The following UPF1 variants were observed in gnomAD, a reference collection of about 807,000 sequenced individuals.
UPF1 encodes the protein UPF1 RNA helicase and ATPase.
UPF1 carries 9 observed loss-of-function variants against 129.2 expected under a neutral mutation model. That is an observed-to-expected ratio of 0.07 (90% confidence interval 0.04 to 0.12). The LOEUF is 0.12. Ranked by LOEUF, UPF1 falls within the 10% of genes least tolerant of loss-of-function variation. UPF1 has a pLI of 1.00. For synonymous variants in UPF1, 649 were observed against 644.9 expected, an observed-to-expected ratio of 1.01 and a Z score of -0.10; for missense variants, 788 against 1,525.3, an observed-to-expected ratio of 0.52 and a Z score of 8.05.
chr19:18,841,091 TC>T, intron 1 of UPF1, among the ~76,000 whole-genome samples: 1 of 152,376 alleles, frequency 6.6e-6, no homozygotes, highest in Non-Finnish European at 1.5e-5. Flanking sequence ...CACCTCTTTT[TC>T]AGTACGGGGA....
intron 1 of UPF1, among the ~76,000 whole-genome samples, chr19:18,840,622 G>A (rs1175114306): frequency 6.6e-6 from 1 of 152,216 alleles, no homozygotes; most frequent in African/African-American, 2.4e-5. Context: ...AGGGCCGAGG[G>A]GCCTGGCTGG....
At chr19:18,864,733 G>GTT (rs10682791) in intron 20 of UPF1, among the ~76,000 whole-genome samples, 37,647 of 74,096 alleles carry the variant, frequency 0.51, 8,660 homozygotes, top group South Asian at 0.63. Context: ...ATTTGCAGGT[G>GTT]TTTTTTTTTT....
rs778747976 is a variant in UPF1 at position 18,854,924 on chromosome 19, G to A, written c.1311G>A (p.Val437=). 1 of 1,614,260 alleles carries A rather than the reference G, an allele frequency of 6.2e-7. No individual in the cohort carries two copies. The highest frequency in any genetic ancestry group is 8.5e-7 in the Non-Finnish European group (1 of 1,180,060). ...CGTTTGCCGTGGATGAGACCTCGGT[G>A]TCTGGCTACATCTACCACAAGCTGT... ...LKTFAVDETS[V]SGYIYHKLLG... The change falls in exon 10 of 24, where the codon GTG becomes GTA. Residue 437 remains valine (V), a synonymous_variant. Coordinates refer to ENST00000262803, the MANE Select transcript of UPF1 (RefSeq NM_002911.4).
At chr19:18,855,756 G>A in intron 11 of UPF1, 169 bp from the exon 12 acceptor site, 3 of 914,408 alleles carry the variant, frequency 3.3e-6, no homozygotes, top group South Asian at 3.5e-5. Context: ...GCTGAGGTGG[G>A]AGGATTGCTT....
chr19:18,851,083 GGGGAAAGGAA>G lies in UPF1; in HGVS notation c.810+216_810+225del. ...ACCTGACCGAGAAGATCCTGGCCTT[GGGGAAAGGAA>G]AGCTCTGGCTGCTGGAATTTTTCTT... is the stretch of plus-strand genomic sequence containing the variant. On this transcript the variant is annotated intron_variant, in intron 5 of 23. Transcript: ENST00000262803. This position sits in a 1 kb window ranked among gnomAD's most constrained non-coding sequence, Gnocchi z 4.2. The G allele has an allele frequency of 2.0e-6, 1 of 490,212 alleles. No individual in the cohort carries two copies. Among genetic ancestry groups the G allele is most frequent in the African/African-American group, 2.0e-5 (1 of 50,678 alleles). The allele number at this position is 490,212 out of a possible 1,614,324, so 30.4% of individuals were successfully genotyped here. A position where few individuals can be genotyped will look rare whatever the true frequency, so the allele number is the denominator to read the frequency against.
At chr19:18,837,329 T>G (rs1410395265) in intron 1 of UPF1, among the ~76,000 whole-genome samples, 1 of 152,132 alleles carries the variant, frequency 6.6e-6, no homozygotes, top group Non-Finnish European at 1.5e-5. Flanking sequence ...GCTCAAGAGA[T>G]CCTCTCACCT....
chr19:18,857,299 T>C, intron 14 of UPF1, 21 bp from the exon 15 acceptor site: 1 of 1,597,950 alleles, frequency 6.3e-7, no homozygotes, highest in African/African-American at 1.3e-5. Flanking sequence ...TCTTGACTTG[T>C]GGGGGCCCCT....
chr19:18,849,908 G>A lies in UPF1; in HGVS notation c.462-167G>A, dbSNP rs2055639696. The A allele has an allele frequency of 4.0e-6, 3 of 752,628 alleles. No homozygotes were observed. In the South Asian group the frequency reaches 5.4e-5, roughly 14 times the overall value. 46.6% of individuals were successfully genotyped at this position (752,628 alleles called of 1,614,324 possible). A position where few individuals can be genotyped will look rare whatever the true frequency, so the allele number is the denominator to read the frequency against. ...GATTGATTTTTGTGCTCAGTGGGGA[G>A]CTAGTTTGGGGGAGGGCTGGCCCCC... On this transcript the variant is annotated intron_variant, in intron 3 of 23. Transcript: ENST00000262803.
chr19:18,864,388 C>A, intron 20 of UPF1, 137 bp downstream of exon 20: 1 of 689,264 alleles, frequency 1.5e-6, no homozygotes, highest in Non-Finnish European at 2.4e-6. Context: ...GGCCTCCCCG[C>A]CCCTAGGGCA....
rs2055596868 is a variant in UPF1, at chr19:18,846,224, G to A, written c.371+105G>A. On this transcript the variant is annotated intron_variant, in intron 2 of 23. Transcript: ENST00000262803. ...AGGTACAGGGTGGCGCCCTTGTGCT[G>A]TGACTCTGGGTGGCGGTGTCCTCGG... is the stretch of plus-strand genomic sequence containing the variant. 10 of 1,504,194 alleles carry A rather than the reference G, an allele frequency of 6.6e-6. No individual in the cohort carries two copies. In the Admixed American group the frequency reaches 2.0e-4, roughly 30 times the overall value. The allele number at this position is 1,504,194 out of a possible 1,614,324, so 93.2% of individuals were successfully genotyped here. A position where few individuals can be genotyped will look rare whatever the true frequency, so the allele number is the denominator to read the frequency against.
intron 8 of UPF1, 42 bp from the exon 9 acceptor site, chr19:18,854,559 G>C: frequency 6.5e-7 from 1 of 1,548,010 alleles, no homozygotes; most frequent in African/African-American, 1.4e-5. Context: ...AGAAAGGTCA[G>C]CCCGGCTTTT....
chr19:18,836,857 G>C (rs774566329), intron 1 of UPF1, among the ~76,000 whole-genome samples: 21 of 150,992 alleles, frequency 1.4e-4, no homozygotes, highest in Non-Finnish European at 1.6e-4. Context: ...GGGTTCAAGC[G>C]ATTCTCCTGC....
Position 18,855,053 on chromosome 19 carries a change from C to T in UPF1, c.1425+15C>T, listed in dbSNP as rs768666910. On this transcript the variant is annotated intron_variant, in intron 10 of 23. Coordinates refer to ENST00000262803, the MANE Select transcript of UPF1 (RefSeq NM_002911.4). ...ACCACTCCCAGGTGCGCGCCGTCCT[C>T]AGCGCGCGGGGCCTCGCCCATGGGC... The T allele has an allele frequency of 6.2e-7, 1 of 1,613,284 alleles. No homozygotes were observed. The highest frequency in any genetic ancestry group is 8.5e-7 in the Non-Finnish European group (1 of 1,179,642).
chr19:18,857,199 G>GCAATGC, intron 14 of UPF1, 121 bp from the exon 15 acceptor site: 1 of 1,462,862 alleles, frequency 6.8e-7, no homozygotes, highest in Non-Finnish European at 9.3e-7. Flanking sequence ...TGCGTGGTGA[G>GCAATGC]CAATGCCCCT....
In UPF1 at chr19:18,850,256, A is replaced by T; in HGVS notation, c.629+14A>T. ...GCTGCTGTGCAGGTGAGTGGTCCCC[A>T]GATGTCTCCTGGGGGTGACCTTTAA... On this transcript the variant is annotated intron_variant, in intron 4 of 23. Transcript: ENST00000262803. The surrounding 1 kb of genome is among the most constrained non-coding windows in gnomAD (Gnocchi z 7.1). 6.3e-7 allele frequency: 1 copy of T among 1,587,786 alleles called. No individual in the cohort carries two copies. Among genetic ancestry groups the T allele is most frequent in the Non-Finnish European group, 8.6e-7 (1 of 1,166,478 alleles).
intron 1 of UPF1, among the ~76,000 whole-genome samples, chr19:18,844,035 C>A (rs559395296): frequency 1.3e-5 from 2 of 152,094 alleles, no homozygotes; most frequent in Non-Finnish European, 2.9e-5. Flanking sequence ...CCATTCCTAG[C>A]CTTGAAGTGA....
Position 18,860,829 on chromosome 19 carries a change from C to T in UPF1, c.2304C>T (p.Thr768=), listed in dbSNP as rs759751319. 2.4e-5 allele frequency: 38 copies of T among 1,612,158 alleles called. No homozygotes were observed. Among genetic ancestry groups the T allele is most frequent in the Middle Eastern group, 3.3e-4 (2 of 6,024 alleles). The change falls in exon 17 of 24, where the codon ACC becomes ACT. Residue 768 remains threonine, a synonymous_variant. Transcript: ENST00000262803. ...ASSGTSYLNR[T]EAANVEKITT... is the part of the protein sequence containing the mutation. ...ACTGACAGCCTGGGTTTCTTAGGAC[C>T]GAGGCTGCGAACGTGGAGAAGATCA...
chr19:18,858,650 C>T (rs1199626729), intron 15 of UPF1, among the ~76,000 whole-genome samples: 2 of 152,036 alleles, frequency 1.3e-5, no homozygotes, highest in Admixed American at 1.3e-4. Flanking sequence ...GCCTGGCTTC[C>T]CCACAGCGTC....
rs1396150522 is a variant in UPF1 at position 18,863,386 on chromosome 19, G to A, written c.2601-52G>A. On this transcript the variant is annotated intron_variant, in intron 18 of 23. Transcript: ENST00000262803. The stretch of plus-strand genomic sequence containing the variant: ...GCAGCCTTGCCTCTTGGACCGTCCT[G>A]TGAGACGGGCAGCTCTCCACCTGCG... 6 of 1,591,650 alleles carry A rather than the reference G, an allele frequency of 3.8e-6. No homozygotes were observed. The East Asian group carries it at 9.0e-5, about 24-fold the overall frequency.
Sources: allele counts gnomAD v4.1 joint callset (sites outside exome capture counted in the v4.1 genomes callset), GRCh38; gene constraint gnomAD v4.1.1; non-coding constraint Gnocchi (gnomAD v3.1); transcripts MANE v1.5; gene names NCBI Gene and HGNC (gene_info 2026-07-23, HGNC 2026-07-21).